Variants in KIRREL3 observed in about 807,000 individuals in gnomAD.
The protein encoded by KIRREL3 is kirre like nephrin family adhesion molecule 3.
Under a neutral mutation model 89.7 loss-of-function variants are expected in KIRREL3, and 36 were observed. The observed-to-expected ratio is 0.40, with a 90% CI of 0.31 to 0.53. KIRREL3 has a LOEUF of 0.53. Among genes scored for constraint, KIRREL3 ranks in the 20% least tolerant of loss-of-function variants. KIRREL3 has a pLI of 0.49. For missense variants in KIRREL3, 864 were observed against 1,056.6 expected, an observed-to-expected ratio of 0.82 and a Z score of 2.53; for synonymous variants, 445 against 441.4, an observed-to-expected ratio of 1.01 and a Z score of -0.10.
chr11:126,568,918 A>G lies in KIRREL3; in HGVS notation c.56-6006T>C, dbSNP rs775385237. On this transcript the variant is annotated intron_variant, in intron 1 of 16. Coordinates refer to ENST00000525144, the MANE Select transcript of KIRREL3 (RefSeq NM_032531.4). The surrounding 1 kb of genome is among the most constrained non-coding windows in gnomAD (Gnocchi z 4.6). Reference sequence around the variant, plus strand: ...GTGATATAATGAGCTATTAGGTTGCATACTTCCCAGGTTAGCACGTAGCCA... The same window carrying G: ...GTGATATAATGAGCTATTAGGTTGCGTACTTCCCAGGTTAGCACGTAGCCA... 4.1e-4 allele frequency among the ~76,000 whole-genome samples: 62 copies of G among 152,108 alleles called. No homozygotes were observed. The highest frequency in any genetic ancestry group is 5.9e-4 in the Non-Finnish European group (40 of 68,020).
intron 1 of KIRREL3, among the ~76,000 whole-genome samples, chr11:126,949,921 A>C (rs983291017): frequency 6.6e-6 from 1 of 152,234 alleles, no homozygotes; most frequent in Admixed American, 6.5e-5. Context: ...TTAAAACCAA[A>C]ATAAATAATC....
At chr11:126,746,036 T>G (rs1288596208) in intron 1 of KIRREL3, among the ~76,000 whole-genome samples, 1 of 152,198 alleles carries the variant, frequency 6.6e-6, no homozygotes, top group African/African-American at 2.4e-5. Flanking sequence ...CACTGTTTGC[T>G]TTTGCTTTCT....
intron 1 of KIRREL3, among the ~76,000 whole-genome samples, chr11:126,809,359 G>A (rs1951307375): frequency 6.6e-6 from 1 of 152,150 alleles, no homozygotes; most frequent in Admixed American, 6.5e-5. Flanking sequence ...ATTTATTTAG[G>A]TGCATACTAA....
At chr11:126,774,800 G>T (rs112409074) in intron 1 of KIRREL3, among the ~76,000 whole-genome samples, 308 of 152,276 alleles carry the variant, frequency 2.0e-3, no homozygotes, top group Non-Finnish European at 3.1e-3. Flanking sequence ...TGAACCAATT[G>T]GATCTGCATC....
At chr11:126,875,128 T>C (rs1201407423) in intron 1 of KIRREL3, among the ~76,000 whole-genome samples, 1 of 152,124 alleles carries the variant, frequency 6.6e-6, no homozygotes, top group Non-Finnish European at 1.5e-5. Context: ...AATCAATCAA[T>C]CAACCAACCA....
chr11:126,694,971 A>G lies in KIRREL3; in HGVS notation c.56-132059T>C, dbSNP rs765189658. On this transcript the variant is annotated intron_variant, in intron 1 of 16. Transcript: ENST00000525144. The surrounding 1 kb of genome is among the most constrained non-coding windows in gnomAD (Gnocchi z 4.4). ...AGATGAGATGCGAGTCTCAATGCCT[A>G]GAATGCTCTATAGCAGGGGTCAGCA... Among the ~76,000 whole-genome samples the G allele has an allele frequency of 6.6e-6, 1 of 152,186 alleles. No homozygotes were observed. The highest frequency in any genetic ancestry group is 2.1e-4 in the South Asian group (1 of 4,828).
intron 2 of KIRREL3, among the ~76,000 whole-genome samples, chr11:126,546,779 G>A (rs1361782927): frequency 6.6e-6 from 1 of 152,064 alleles, no homozygotes; most frequent in African/African-American, 2.4e-5. Context: ...ATCCTGTGGT[G>A]CTTTATACTT....
Position 126,612,650 on chromosome 11 carries a change from C to T in KIRREL3, c.56-49738G>A, listed in dbSNP as rs1006470225. Among the ~76,000 whole-genome samples, 2 of 152,170 alleles carry T rather than the reference C, an allele frequency of 1.3e-5. No individual in the cohort carries two copies. Among genetic ancestry groups the T allele is most frequent in the South Asian group, 2.1e-4 (1 of 4,830 alleles). ...TCGCCCCCAAAATAAACCCCACACCCATCACTCCCCATTTCTGTCCCCGTC... is the reference window on the plus strand; with the variant it reads ...TCGCCCCCAAAATAAACCCCACACCTATCACTCCCCATTTCTGTCCCCGTC... On this transcript the variant is annotated intron_variant, in intron 1 of 16. Coordinates refer to ENST00000525144, the MANE Select transcript of KIRREL3 (RefSeq NM_032531.4). The surrounding 1 kb of genome is among the most constrained non-coding windows in gnomAD (Gnocchi z 4.5).
intron 1 of KIRREL3, among the ~76,000 whole-genome samples, chr11:126,923,804 T>C (rs927774401): frequency 2.0e-5 from 3 of 152,148 alleles, no homozygotes; most frequent in Non-Finnish European, 2.9e-5. Flanking sequence ...TTTATAACCA[T>C]AGAACAGGTT....
rs1948390419 is a variant in KIRREL3, at chr11:126,940,345, T to C, written c.55+60110A>G. 1 of 152,170 alleles carries C rather than the reference T, an allele frequency of 6.6e-6. No homozygotes were observed. The highest frequency in any genetic ancestry group is 1.5e-5 in the Non-Finnish European group (1 of 68,028). 9.4% of individuals were successfully genotyped at this position (152,170 alleles called of 1,614,324 possible). ...TTTATTTCAGCAGGGTTCCAGATAA[T>C]AAAAAGATTTATAATTACGCCAGTA... On this transcript the variant is annotated intron_variant, in intron 1 of 16. Transcript: ENST00000525144. The surrounding 1 kb of genome is among the most constrained non-coding windows in gnomAD (Gnocchi z 4.6).
At chr11:126,869,222 C>A (rs1291184377) in intron 1 of KIRREL3, among the ~76,000 whole-genome samples, 3 of 148,538 alleles carry the variant, frequency 2.0e-5, no homozygotes, top group Non-Finnish European at 4.4e-5. Flanking sequence ...GCCTCAAATG[C>A]AGCCCTCAGC....
chr11:126,430,353 G>C lies in KIRREL3; in HGVS notation c.1697-1065C>G, dbSNP rs1955085913. ...CCAGCGACTCAGGAGGCTTAGGCAC[G>C]AGAATCGCTTGAACCTGGGAGGCGG... On this transcript the variant is annotated intron_variant, in intron 14 of 16. Transcript: ENST00000525144. This position sits in a 1 kb window ranked among gnomAD's most constrained non-coding sequence, Gnocchi z 6.6. 6.6e-6 allele frequency among the ~76,000 whole-genome samples: 1 copy of C among 152,148 alleles called. No homozygotes were observed. The highest frequency in any genetic ancestry group is 2.4e-5 in the African/African-American group (1 of 41,434).
rs957416581 is a variant in KIRREL3, at chr11:126,976,765, C to G, written c.55+23690G>C. Among the ~76,000 whole-genome samples, 1 of 152,078 alleles carries G rather than the reference C, an allele frequency of 6.6e-6. No homozygotes were observed. The highest frequency in any genetic ancestry group is 1.5e-5 in the Non-Finnish European group (1 of 68,016). ...TTAACAAATCTATGGCATACATACT[C>G]TTGATATGTCTACATCATAGAAGGG... is the stretch of plus-strand genomic sequence containing the variant. On this transcript the variant is annotated intron_variant, in intron 1 of 16. Coordinates refer to ENST00000525144, the MANE Select transcript of KIRREL3 (RefSeq NM_032531.4). This position sits in a 1 kb window ranked among gnomAD's most constrained non-coding sequence, Gnocchi z 4.2.
In KIRREL3 at chr11:126,976,194, A is replaced by G. The variant is rs1194426456; in HGVS notation, c.55+24261T>C. 1.3e-5 allele frequency among the ~76,000 whole-genome samples: 2 copies of G among 152,120 alleles called. No homozygotes were observed. Among genetic ancestry groups the G allele is most frequent in the African/African-American group, 4.8e-5 (2 of 41,422 alleles). ...ATTTCAATAAGATAACACTCCTCCA[A>G]TTAAGACCCTGCAATATACCTGACA... On this transcript the variant is annotated intron_variant, in intron 1 of 16. Transcript: ENST00000525144. The surrounding 1 kb of genome is among the most constrained non-coding windows in gnomAD (Gnocchi z 4.2).
rs1161651463 is a variant in KIRREL3, at chr11:126,705,396, A to G, written c.56-142484T>C. Among the ~76,000 whole-genome samples, 4 of 152,146 alleles carry G rather than the reference A, an allele frequency of 2.6e-5. No individual in the cohort carries two copies. On this transcript the variant is annotated intron_variant, in intron 1 of 16. Coordinates refer to ENST00000525144, the MANE Select transcript of KIRREL3 (RefSeq NM_032531.4). The surrounding 1 kb of genome is among the most constrained non-coding windows in gnomAD (Gnocchi z 4.3). The stretch of plus-strand genomic sequence containing the variant: ...GTGAGTTGTTGATCAGTTTGTTCAC[A>G]TGAGATCTGGTTGTTTAAAAGTCTG...
Position 126,872,920 on chromosome 11 carries a change from G to C in KIRREL3, c.55+127535C>G, listed in dbSNP as rs1945155818. Among the ~76,000 whole-genome samples the C allele has an allele frequency of 6.6e-6, 1 of 152,208 alleles. No individual in the cohort carries two copies. The highest frequency in any genetic ancestry group is 1.5e-5 in the Non-Finnish European group (1 of 68,038). On this transcript the variant is annotated intron_variant, in intron 1 of 16. Coordinates refer to ENST00000525144, the MANE Select transcript of KIRREL3 (RefSeq NM_032531.4). This position sits in a 1 kb window ranked among gnomAD's most constrained non-coding sequence, Gnocchi z 4.2. ...ACCAGCTGTGCCGAGTTACTACACAGCCTGGAGGTCAAGTCCTTCTCCCAT... is the reference window on the plus strand; with the variant it reads ...ACCAGCTGTGCCGAGTTACTACACACCCTGGAGGTCAAGTCCTTCTCCCAT...
rs1242488827 is a variant in KIRREL3, at chr11:126,771,227, G to A, written c.56-208315C>T. ...TCTCAGTGCGTCCCTAAATAGCCTG[G>A]CAAGGAAGGGAATTTTATTCCCTTA... On this transcript the variant is annotated intron_variant, in intron 1 of 16. Transcript: ENST00000525144. This position sits in a 1 kb window ranked among gnomAD's most constrained non-coding sequence, Gnocchi z 4.4. 6.6e-6 allele frequency among the ~76,000 whole-genome samples: 1 copy of A among 151,598 alleles called. No individual in the cohort carries two copies. Among genetic ancestry groups the A allele is most frequent in the African/African-American group, 2.4e-5 (1 of 41,110 alleles).
intron 11 of KIRREL3, among the ~76,000 whole-genome samples, chr11:126,439,237 A>T (rs1955470433): frequency 6.6e-6 from 1 of 151,874 alleles, no homozygotes; most frequent in African/African-American, 2.4e-5. Flanking sequence ...AGGTTGAGGC[A>T]GGAGAATTGC....
intron 4 of KIRREL3, among the ~76,000 whole-genome samples, chr11:126,500,463 G>A (rs1294514755): frequency 4.6e-5 from 7 of 152,166 alleles, no homozygotes; most frequent in Non-Finnish European, 2.9e-5. Flanking sequence ...GATGTGGCTG[G>A]ACACAGTGGC....
Sources: gnomAD v4.1 joint callset for allele counts (sites outside exome capture counted in the v4.1 genomes callset) on GRCh38, gnomAD v4.1.1 for gene constraint, Gnocchi (gnomAD v3.1) non-coding constraint, MANE v1.5 for transcripts, NCBI Gene and HGNC (gene_info 2026-07-23, HGNC 2026-07-21) for gene names.